Variants in ZNF454 observed in about 807,000 individuals in gnomAD.
ZNF454 encodes zinc finger protein 454.
In ZNF454, 30 loss-of-function variants were observed where a neutral mutation model predicts 48.2. The observed-to-expected ratio is 0.62, with a 90% CI of 0.47 to 0.84. ZNF454 has a LOEUF of 0.84. ZNF454 is among the 40% of genes least tolerant of loss of function. ZNF454 has a pLI of 0.00. For synonymous variants in ZNF454, 204 were observed against 211.4 expected, an observed-to-expected ratio of 0.97 and a Z score of 0.30; for missense variants, 510 against 623.1, an observed-to-expected ratio of 0.82 and a Z score of 1.93.
the ZNF454 span, chr5:178,986,493 G>T: frequency 6.2e-7 from 1 of 1,610,470 alleles, no homozygotes; most frequent in Non-Finnish European, 8.5e-7. Flanking sequence ...GGAGCGGCGG[G>T]GCTGCCCAGG....
intron 4 of ZNF454, among the ~76,000 whole-genome samples, chr5:178,948,331 T>A (rs1044116339): frequency 1.3e-5 from 2 of 152,234 alleles, no homozygotes; most frequent in East Asian, 3.8e-4. Flanking sequence ...TAAGGCATTT[T>A]AAATATTTTA....
the ZNF454 span, chr5:178,986,488 G>A: frequency 3.7e-4 from 593 of 1,610,692 alleles, no homozygotes; most frequent in African/African-American, 7.3e-4. Flanking sequence ...CAGGAGGAGC[G>A]GCGGGGCTGC....
chr5:178,989,436 G>A, the ZNF454 span: 38 of 1,613,174 alleles, frequency 2.4e-5, no homozygotes, highest in Admixed American at 1.7e-4. Flanking sequence ...GGAGGGTGGC[G>A]CTGACCTGAG....
In ZNF454 at chr5:178,964,711, G is replaced by A. The variant is rs1169531815; in HGVS notation, c.307G>A (p.Glu103Lys). 2 of 1,614,258 alleles carry A rather than the reference G, an allele frequency of 1.2e-6. No individual in the cohort carries two copies. Among genetic ancestry groups the A allele is most frequent in the African/African-American group, 2.7e-5 (2 of 75,072 alleles). The change falls in exon 5 of 5, where the codon GAA (glutamate) becomes AAA (lysine). Residue 103 changes from glutamate to lysine, a missense_variant. Transcript: ENST00000519564. The part of the protein sequence containing the change: ...KSTVKAEIPE[E>K]ELDQWTIKER... ...TACTGTCAAGGCAGAGATTCCTGAA[G>A]AAGAATTGGATCAATGGACAATAAA... is the stretch of plus-strand genomic sequence containing the variant.
chr5:178,965,038 A>C lies in ZNF454; in HGVS notation c.634A>C (p.Lys212Gln). 1 of 1,614,142 alleles carries C rather than the reference A, an allele frequency of 6.2e-7. No individual in the cohort carries two copies. Among genetic ancestry groups the C allele is most frequent in the Non-Finnish European group, 8.5e-7 (1 of 1,180,004 alleles). The change falls in exon 5 of 5, where the codon AAG becomes CAG. Residue 212 changes from lysine to glutamine, a missense_variant. By Grantham distance (53) the Lys-to-Gln change is moderately conservative. Around this residue, in one of 3 missense-constraint regions of ZNF454, gnomAD observed 354 missense variants for 408.9 expected, o/e 0.87. Coordinates refer to ENST00000519564, the MANE Select transcript of ZNF454 (RefSeq NM_001178089.3). This position sits in a 1 kb window ranked among gnomAD's most constrained non-coding sequence, Gnocchi z 5.2. ...AAATGCAAATCAGAAAATTCATATTAAGGAGAAAAGATATGAATGTAGAGA... is the reference window on the plus strand; with the variant it reads ...AAATGCAAATCAGAAAATTCATATTCAGGAGAAAAGATATGAATGTAGAGA... ...EKNANQKIHI[K>Q]EKRYECRECG...
chr5:178,986,279 G>A, the ZNF454 span: 1 of 1,614,130 alleles, frequency 6.2e-7, no homozygotes, highest in South Asian at 1.1e-5. Flanking sequence ...GTCGTGCCCA[G>A]GCCCAGGAAG....
At chr5:178,987,427 G>A in the ZNF454 span, 3 of 458,470 alleles carry the variant, frequency 6.5e-6, no homozygotes, top group Admixed American at 7.0e-5. Context: ...ACTGACAGAA[G>A]AATGGACGAA....
chr5:178,985,624 A>G, the ZNF454 span: 19,111 of 366,634 alleles, frequency 0.052, 598 homozygotes, highest in Non-Finnish European at 0.054. Context: ...AATGGCGTGA[A>G]CCCGGAAGGC....
Position 178,943,011 on chromosome 5 carries a change from G to A in ZNF454, c.33+187G>A, listed in dbSNP as rs76724972. Among the ~76,000 whole-genome samples the A allele has an allele frequency of 3.6e-3, 548 of 152,286 alleles. 6 individuals are homozygous for A. The highest frequency in any genetic ancestry group is 5.2e-3 in the Non-Finnish European group (355 of 68,026). On this transcript the variant is annotated intron_variant, in intron 2 of 4. Transcript: ENST00000519564. Reference sequence around the variant, plus strand: ...GCTCATCCTGGTGGGTGTTGCAGCTGTATAACTTGCTAAAGGTCACATAAA... The same window carrying A: ...GCTCATCCTGGTGGGTGTTGCAGCTATATAACTTGCTAAAGGTCACATAAA...
the ZNF454 span, among the ~76,000 whole-genome samples, chr5:178,973,736 G>C: frequency 1.3e-5 from 2 of 151,758 alleles, no homozygotes; most frequent in Non-Finnish European, 2.9e-5. Context: ...CCAGCTACTC[G>C]GGAGGCTGAG....
intron 4 of ZNF454, 112 bp from the exon 5 acceptor site, chr5:178,964,543 A>T: frequency 1.2e-6 from 1 of 865,348 alleles, no homozygotes; most frequent in East Asian, 2.4e-5. Context: ...TACTTCAGAA[A>T]ATCTTCAAAC....
the ZNF454 span, chr5:178,989,102 T>C: frequency 6.2e-7 from 1 of 1,614,054 alleles, no homozygotes; most frequent in East Asian, 2.2e-5. Flanking sequence ...GCCCTCCTGC[T>C]CGTAGGTGGA....
the ZNF454 span, chr5:178,987,503 T>C: frequency 4.4e-6 from 2 of 453,706 alleles, no homozygotes; most frequent in Non-Finnish European, 8.9e-6. Context: ...TTCTGACCCA[T>C]GCTATAAAAT....
the ZNF454 span, chr5:178,989,493 C>G: frequency 3.5e-5 from 54 of 1,544,270 alleles, no homozygotes; most frequent in Non-Finnish European, 4.6e-5. Context: ...TCACTTTCAG[C>G]TAGGAGTGGC....
At chr5:178,982,710 AAAG>A in the ZNF454 span, 3 of 547,410 alleles carry the variant, frequency 5.5e-6, no homozygotes, top group Admixed American at 3.2e-5. Context: ...AAAAAGAAAA[AAAG>A]AAGAGTGGAA....
At chr5:178,988,902 T>C in the ZNF454 span, 24 of 1,576,260 alleles carry the variant, frequency 1.5e-5, no homozygotes, top group Non-Finnish European at 2.1e-5. This position sits in a 1 kb window ranked among gnomAD's most constrained non-coding sequence, Gnocchi z 6.0. Flanking sequence ...CCAGCTGTCC[T>C]TCACTGCTGC....
chr5:178,973,830 A>G, the ZNF454 span, among the ~76,000 whole-genome samples: 6 of 135,840 alleles, frequency 4.4e-5, no homozygotes, highest in East Asian at 4.5e-4. Context: ...GCGACAGAGC[A>G]AGACTTCATC....
At chr5:178,949,112 C>T (rs1759457319) in intron 4 of ZNF454, among the ~76,000 whole-genome samples, 1 of 151,964 alleles carries the variant, frequency 6.6e-6, no homozygotes, top group Admixed American at 6.6e-5. Flanking sequence ...TGCAGTGGTG[C>T]AGTCTCGGCT....
the ZNF454 span, chr5:178,981,414 G>GTCGC: frequency 1.8e-6 from 1 of 541,776 alleles, no homozygotes; most frequent in South Asian, 2.3e-5. The surrounding 1 kb of genome is among the most constrained non-coding windows in gnomAD (Gnocchi z 5.1). Flanking sequence ...CTTCTCGGTG[G>GTCGC]CTGTTTCCCA....
Sources: gnomAD v4.1 joint callset for allele counts (sites outside exome capture counted in the v4.1 genomes callset) on GRCh38, gnomAD v4.1.1 for gene constraint, gnomAD v4.1.1 regional missense constraint, Gnocchi (gnomAD v3.1) non-coding constraint, MANE v1.5 for transcripts, NCBI Gene and HGNC (gene_info 2026-07-23, HGNC 2026-07-21) for gene names.